KNDC1: variants seen among roughly 807,000 people sequenced by gnomAD.
KNDC1 encodes kinase non-catalytic C-lobe domain containing 1, also known as kinase non-catalytic C-lobe domain-containing protein 1.
A neutral mutation model predicts 172.8 loss-of-function variants in KNDC1; 106 were observed. The ratio of observed to expected loss-of-function variants is 0.61; its 90% CI spans 0.52 to 0.72. The LOEUF is 0.72. Ranked by LOEUF, KNDC1 falls within the 30% of genes least tolerant of loss-of-function variation. KNDC1 has a pLI of 0.00. For missense variants in KNDC1, 2,325 were observed against 2,394.5 expected (o/e 0.97, Z 0.61); for synonymous variants, 1,083 against 1,062.2 (o/e 1.02, Z -0.38).
In KNDC1 at chr10:133,200,427, C is replaced by CCGTCCAGCAAGAGGCCGT. The variant is rs1006230924; in HGVS notation, c.2959_2976dup (p.Ser987_Ser992dup). ...CGAGGGCAGCCAAAGCCCCCGCTCCCCGTCCAGCAAGAGGCCGTCGCTGCA... is the reference window on the plus strand; with the variant it reads ...CGAGGGCAGCCAAAGCCCCCGCTCCCCGTCCAGCAAGAGGCCGTCGTCCAGCAAGAGGCCGTCGCTGCA... On this transcript the variant is annotated inframe_insertion, in exon 16 of 30. Coordinates refer to ENST00000304613, the MANE Select transcript of KNDC1 (RefSeq NM_152643.8). 23 of 1,597,012 alleles carry CCGTCCAGCAAGAGGCCGT rather than the reference C, an allele frequency of 1.4e-5. No homozygotes were observed. The highest frequency in any genetic ancestry group is 2.0e-5 in the Non-Finnish European group (23 of 1,172,938).
In KNDC1 at chr10:133,190,036, G is replaced by A. The variant is rs563944133; in HGVS notation, c.1575+223G>A. Among the ~76,000 whole-genome samples, 11 of 152,348 alleles carry A rather than the reference G, an allele frequency of 7.2e-5. No individual in the cohort carries two copies. In the East Asian group the frequency reaches 9.6e-4, roughly 13 times the overall value. On this transcript the variant is annotated intron_variant, in intron 9 of 29. Transcript: ENST00000304613. Reference sequence around the variant, plus strand: ...CACTGGCCATGTGCACTAGAGCTGCGCCTCCTGGCTCACGAGAACTAAGGG... The same window carrying A: ...CACTGGCCATGTGCACTAGAGCTGCACCTCCTGGCTCACGAGAACTAAGGG...
intron 17 of KNDC1, 166 bp downstream of exon 17, chr10:133,202,064 C>G: frequency 1.2e-6 from 1 of 807,744 alleles, no homozygotes; most frequent in Non-Finnish European, 2.1e-6. Flanking sequence ...TCAGGGCCCC[C>G]TCCCTGGGCT....
At chr10:133,213,840 C>T (rs769720001) in intron 25 of KNDC1, 113 bp downstream of exon 25, 106 of 1,434,750 alleles carry the variant, frequency 7.4e-5, no homozygotes, top group Middle Eastern at 3.7e-4. Flanking sequence ...TCCAGAGACG[C>T]GAGAGAGTGG....
intron 3 of KNDC1, chr10:133,178,861 G>A (rs1023249834): frequency 1.1e-4 from 16 of 152,156 alleles, no homozygotes; most frequent in African/African-American, 2.7e-4. Flanking sequence ...TGAATCCTGC[G>A]AGCCGCCACA....
At chr10:133,188,749 C>CA (rs1564885899) in intron 7 of KNDC1, 96 bp downstream of exon 7, 3 of 597,226 alleles carry the variant, frequency 5.0e-6, no homozygotes, top group East Asian at 2.9e-5. Context: ...TCCCACCCCC[C>CA]ACACCGTCCC....
In KNDC1 at chr10:133,211,793, G is replaced by A. The variant is rs758345638; in HGVS notation, c.4171G>A (p.Glu1391Lys). 2.7e-5 allele frequency: 44 copies of A among 1,610,694 alleles called. No individual in the cohort carries two copies. The highest frequency in any genetic ancestry group is 1.4e-4 in the Admixed American group (8 of 59,156). ...GTDLENPREA[E>K]EDARPFNALC... ...AGACCTGGAGAACCCCAGGGAGGCC[G>A]AGGAGGATGCCAGACCCTTCAACGC... is the stretch of plus-strand genomic sequence containing the variant. The change falls in exon 23 of 30, where the codon GAG (glutamate) becomes AAG (lysine). Residue 1391 changes from glutamate to lysine, a missense_variant. Coordinates refer to ENST00000304613, the MANE Select transcript of KNDC1 (RefSeq NM_152643.8).
At chr10:133,221,824 C>T in intron 29 of KNDC1, among the ~76,000 whole-genome samples, 2 of 134,664 alleles carry the variant, frequency 1.5e-5, no homozygotes, top group Admixed American at 7.7e-5. Flanking sequence ...CGCCTGTAAC[C>T]CTAGGTAGGC....
chr10:133,160,666 C>T (rs1401836307), intron 1 of KNDC1, 97 bp downstream of exon 1: 5 of 738,850 alleles, frequency 6.8e-6, no homozygotes, highest in South Asian at 4.0e-5. Context: ...GAGCTCCCGC[C>T]TCCCCAGGCG....
At chr10:133,192,307 G>C (rs1210766553) in intron 9 of KNDC1, among the ~76,000 whole-genome samples, 1 of 152,146 alleles carries the variant, frequency 6.6e-6, no homozygotes, top group Non-Finnish European at 1.5e-5. Flanking sequence ...AAAACACATA[G>C]ACCAATGGAA....
At chr10:133,198,135 C>T (rs1156347297) in intron 12 of KNDC1, among the ~76,000 whole-genome samples, 1 of 152,208 alleles carries the variant, frequency 6.6e-6, no homozygotes, top group African/African-American at 2.4e-5. Flanking sequence ...GGCCCGTCCC[C>T]GCCTGCTGGC....
At chr10:133,193,153 G>A (rs73388546) in intron 9 of KNDC1, among the ~76,000 whole-genome samples, 2,186 of 152,326 alleles carry the variant, frequency 0.014, 55 homozygotes, top group African/African-American at 0.05. Context: ...AACTGTAGAG[G>A]AAGTGCATAG....
rs1464042828 is a variant in KNDC1, at chr10:133,220,101, G to T, written c.5007G>T (p.Trp1669Cys). 1 of 1,565,654 alleles carries T rather than the reference G, an allele frequency of 6.4e-7. No homozygotes were observed. The highest frequency in any genetic ancestry group is 8.7e-7 in the Non-Finnish European group (1 of 1,155,176). Residue 1669 changes from tryptophan to cysteine, a missense_variant, in exon 29 of 30, where the codon TGG becomes TGT. Transcript: ENST00000304613. Reference sequence around the variant, plus strand: ...CCATGACCAACGGGGCCCACAGGTGGAGCAAGCTCAGGTGAGGAGGGGCTC... The same window carrying T: ...CCATGACCAACGGGGCCCACAGGTGTAGCAAGCTCAGGTGAGGAGGGGCTC... ...GFTMTNGAHR[W>C]SKLRNIAKVV... is the part of the protein sequence containing the mutation.
At chr10:133,206,131 C>T (rs1175552726) in intron 17 of KNDC1, among the ~76,000 whole-genome samples, 2 of 152,180 alleles carry the variant, frequency 1.3e-5, no homozygotes, top group African/African-American at 4.8e-5. Flanking sequence ...ACCTGGGAGG[C>T]AGAGGTTGTG....
chr10:133,183,199 G>C lies in KNDC1; in HGVS notation c.361-145G>C, dbSNP rs1853776419. ...GCGTGGGCGCGGGCGGCAAGGGTGT[G>C]GGCAGCGTGGGCACGGGTGCTGCTT... On this transcript the variant is annotated intron_variant, in intron 3 of 29. Transcript: ENST00000304613. 4 of 1,010,610 alleles carry C rather than the reference G, an allele frequency of 4.0e-6. No homozygotes were observed. In the South Asian group the frequency reaches 6.8e-5, roughly 17 times the overall value. 62.6% of individuals were successfully genotyped at this position (1,010,610 alleles called of 1,614,324 possible).
rs1342859721 is a variant in KNDC1 at position 133,207,147 on chromosome 10, C to CG, written c.3592dup (p.Glu1198GlyfsTer69). The CG allele has an allele frequency of 6.3e-6, 10 of 1,590,906 alleles. No individual in the cohort carries two copies. Among genetic ancestry groups the CG allele is most frequent in the African/African-American group, 2.7e-5 (2 of 74,650 alleles). ...GTCCCGCTCCGGCAGGTCATGTACG[C>CG]GGAACGCTGGGGCCTGGAGCCCTGC... On this transcript the variant is annotated frameshift_variant, in exon 20 of 30. Coordinates refer to ENST00000304613, the MANE Select transcript of KNDC1 (RefSeq NM_152643.8). LOFTEE classifies it high-confidence loss of function.
chr10:133,207,034 G>T, intron 19 of KNDC1, 81 bp downstream of exon 19: 1 of 1,546,336 alleles, frequency 6.5e-7, no homozygotes, highest in Non-Finnish European at 8.9e-7. Flanking sequence ...CTGTAAATCT[G>T]TCCGTGTGAA....
At position 133,198,596 on chromosome 10, in the gene KNDC1, C is replaced by T; in HGVS notation, c.2088C>T (p.Ala696=). Residue 696 remains alanine, a synonymous_variant, in exon 14 of 30, where the codon GCC becomes GCT. Transcript: ENST00000304613. The part of the protein sequence containing the change: ...ASVARDQPAL[A]QEESEERGGQ... ...CCCGTAGGGACCAGCCTGCCTTGGC[C>T]CAGGAGGAGTCCGAGGAGAGGGGCG... The T allele has an allele frequency of 6.3e-7, 1 of 1,595,730 alleles. No homozygotes were observed. Among genetic ancestry groups the T allele is most frequent in the Non-Finnish European group, 8.5e-7 (1 of 1,170,376 alleles).
At chr10:133,172,683 A>G (rs941766828) in intron 3 of KNDC1, among the ~76,000 whole-genome samples, 3 of 152,162 alleles carry the variant, frequency 2.0e-5, no homozygotes, top group Non-Finnish European at 2.9e-5. Flanking sequence ...ATTTTTAACT[A>G]CTGCTCAGTT....
At chr10:133,205,651 G>A (rs1026270319) in intron 17 of KNDC1, among the ~76,000 whole-genome samples, 3 of 152,222 alleles carry the variant, frequency 2.0e-5, no homozygotes, top group South Asian at 4.1e-4. Context: ...GCTGGAATCC[G>A]CATCATTGGG....
Sources: gnomAD v4.1 joint callset for allele counts (sites outside exome capture counted in the v4.1 genomes callset) on GRCh38, gnomAD v4.1.1 for gene constraint, MANE v1.5 for transcripts, NCBI Gene and HGNC (gene_info 2026-07-23, HGNC 2026-07-21) for gene names.